INPP5A: variants seen among roughly 807,000 people sequenced by gnomAD.
INPP5A encodes inositol polyphosphate-5-phosphatase A.
A neutral mutation model predicts 65.2 loss-of-function variants in INPP5A; 14 were observed. The observed-to-expected ratio is 0.21, with a 90% confidence interval of 0.14 to 0.34. The LOEUF is 0.34. Ranked by LOEUF, INPP5A falls within the 10% of genes least tolerant of loss-of-function variation. INPP5A has a pLI of 1.00. For synonymous variants in INPP5A, 207 were observed against 208.3 expected (o/e 0.99, Z 0.05); for missense variants, 431 against 545.6 (o/e 0.79, Z 2.09).
intron 1 of INPP5A, among the ~76,000 whole-genome samples, chr10:132,589,127 G>A (rs1276995842): frequency 2.0e-5 from 3 of 152,198 alleles, no homozygotes; most frequent in East Asian, 3.9e-4. Flanking sequence ...CAGGCCTCCC[G>A]GCTTTTGTGG....
chr10:132,763,957 G>A (rs1162170721), intron 11 of INPP5A, among the ~76,000 whole-genome samples: 1 of 152,276 alleles, frequency 6.6e-6, no homozygotes, highest in African/African-American at 2.4e-5. Context: ...TTTGAGGAGG[G>A]GCATCCGTCT....
intron 1 of INPP5A, among the ~76,000 whole-genome samples, chr10:132,562,633 T>G (rs577786284): frequency 6.6e-6 from 1 of 152,346 alleles, no homozygotes; most frequent in Admixed American, 6.5e-5. Flanking sequence ...GTGGCCAGTA[T>G]GAACTGGAGC....
chr10:132,697,679 C>T lies in INPP5A; in HGVS notation c.371-137C>T, dbSNP rs144209017. 1.2e-3 allele frequency: 752 copies of T among 637,826 alleles called. 4 individuals carry two copies. The highest frequency in any genetic ancestry group is 9.6e-3 in the Admixed American group (382 of 39,698). 39.5% of individuals were successfully genotyped at this position (637,826 alleles called of 1,614,324 possible). A position where few individuals can be genotyped will look rare whatever the true frequency, so the allele number is the denominator to read the frequency against. On this transcript the variant is annotated intron_variant, in intron 5 of 15. Coordinates refer to ENST00000368594, the MANE Select transcript of INPP5A (RefSeq NM_005539.5). The surrounding 1 kb of genome is among the most constrained non-coding windows in gnomAD (Gnocchi z 5.6). ...GCTGGGGGTCTGTTCTGGGTCGGAC[C>T]CCTCATCAGGGCCTCCTCTCGGGGG... is the stretch of plus-strand genomic sequence containing the variant.
intron 1 of INPP5A, among the ~76,000 whole-genome samples, chr10:132,552,830 T>G (rs1590823466): frequency 7.1e-6 from 1 of 140,932 alleles, no homozygotes; most frequent in Non-Finnish European, 1.5e-5. Context: ...AGAGCCTTGG[T>G]GGCATATTGA....
chr10:132,710,544 C>T (rs1343590008), intron 8 of INPP5A, 88 bp downstream of exon 8: 7 of 1,512,866 alleles, frequency 4.6e-6, no homozygotes, highest in East Asian at 2.5e-5. Context: ...TGTGGGCGGA[C>T]AAGTAGGTAT....
At chr10:132,648,332 G>A (rs996922667) in intron 3 of INPP5A, among the ~76,000 whole-genome samples, 11 of 152,378 alleles carry the variant, frequency 7.2e-5, no homozygotes, top group African/African-American at 2.4e-4. Flanking sequence ...GTGCCCCCGC[G>A]ATGCCGTGTG....
intron 4 of INPP5A, among the ~76,000 whole-genome samples, chr10:132,655,862 C>A (rs2072649969): frequency 6.6e-6 from 1 of 152,268 alleles, no homozygotes; most frequent in African/African-American, 2.4e-5. Context: ...CCCGCCCCTC[C>A]CAGAGAGGCT....
At chr10:132,759,464 G>A (rs1236917134) in intron 11 of INPP5A, among the ~76,000 whole-genome samples, 3 of 152,228 alleles carry the variant, frequency 2.0e-5, no homozygotes, top group Non-Finnish European at 2.9e-5. Flanking sequence ...CCTCAGCCTG[G>A]GATTTCCGGC....
rs545917185 is a variant in INPP5A, at chr10:132,636,163, A to G, written c.118-9705A>G. On this transcript the variant is annotated intron_variant, in intron 2 of 15. Coordinates refer to ENST00000368594, the MANE Select transcript of INPP5A (RefSeq NM_005539.5). ...AAAAATGCTTTATTGGATAAACAAA[A>G]TGTGTGTGTGTGTGTGTGTGTGTGT... 1.2e-3 allele frequency among the ~76,000 whole-genome samples: 181 copies of G among 149,728 alleles called. 1 individual carries two copies. Among genetic ancestry groups the G allele is most frequent in the East Asian group, 7.3e-3 (37 of 5,084 alleles).
chr10:132,652,432 A>C (rs1030332168), intron 4 of INPP5A, among the ~76,000 whole-genome samples: 1 of 152,256 alleles, frequency 6.6e-6, no homozygotes, highest in African/African-American at 2.4e-5. Flanking sequence ...TTTCTTCATC[A>C]GTCCATGAAA....
intron 8 of INPP5A, among the ~76,000 whole-genome samples, chr10:132,720,775 G>T (rs1441976583): frequency 1.3e-5 from 2 of 149,700 alleles, no homozygotes; most frequent in African/African-American, 5.0e-5. Flanking sequence ...GGGTTCTGTG[G>T]TACCTGGGTT....
At chr10:132,595,563 A>G (rs950472220) in intron 1 of INPP5A, among the ~76,000 whole-genome samples, 2 of 152,102 alleles carry the variant, frequency 1.3e-5, no homozygotes, top group Non-Finnish European at 2.9e-5. Flanking sequence ...TTTCTTACCT[A>G]CATTCCAGTG....
chr10:132,651,834 G>A lies in INPP5A; in HGVS notation c.306+1329G>A, dbSNP rs1020304975. Among the ~76,000 whole-genome samples the A allele has an allele frequency of 2.6e-5, 4 of 152,200 alleles. No homozygotes were observed. The highest frequency in any genetic ancestry group is 2.0e-4 in the Admixed American group (3 of 15,282). Reference sequence around the variant, plus strand: ...GTCATGCGTGGTCCCCACCAGTAGTGGAGTCTGTACAATCCCGGGAATCCC... The same window carrying A: ...GTCATGCGTGGTCCCCACCAGTAGTAGAGTCTGTACAATCCCGGGAATCCC... On this transcript the variant is annotated intron_variant, in intron 4 of 15. Coordinates refer to ENST00000368594, the MANE Select transcript of INPP5A (RefSeq NM_005539.5). This position sits in a 1 kb window ranked among gnomAD's most constrained non-coding sequence, Gnocchi z 5.0.
chr10:132,682,479 CAAT>C (rs2073060677), intron 4 of INPP5A, among the ~76,000 whole-genome samples: 1 of 152,222 alleles, frequency 6.6e-6, no homozygotes, highest in Non-Finnish European at 1.5e-5. Context: ...CAAATTAAAA[CAAT>C]AAGGTCTAAT....
intron 1 of INPP5A, among the ~76,000 whole-genome samples, chr10:132,593,485 C>T (rs1279782047): frequency 2.0e-5 from 3 of 152,204 alleles, no homozygotes; most frequent in Admixed American, 1.3e-4. Context: ...GTCATATTCT[C>T]CTTCCTGAAG....
intron 1 of INPP5A, among the ~76,000 whole-genome samples, chr10:132,583,456 C>T (rs2071510800): frequency 6.6e-6 from 1 of 152,084 alleles, no homozygotes; most frequent in Non-Finnish European, 1.5e-5. Context: ...GCGTGGGGAG[C>T]TGGGCCTTTC....
At chr10:132,585,578 C>G (rs1488181180) in intron 1 of INPP5A, among the ~76,000 whole-genome samples, 1 of 152,192 alleles carries the variant, frequency 6.6e-6, no homozygotes, top group East Asian at 1.9e-4. Flanking sequence ...AATGTGTCCC[C>G]TCAGCTACGG....
At chr10:132,661,262 A>G (rs1214710377) in intron 4 of INPP5A, among the ~76,000 whole-genome samples, 2 of 152,252 alleles carry the variant, frequency 1.3e-5, no homozygotes, top group East Asian at 1.9e-4. Context: ...TACCTCCTTC[A>G]GGAAGAAAAA....
chr10:132,781,822 C>G (rs552437787), intron 14 of INPP5A, 39 bp from the exon 15 acceptor site: 4 of 1,543,222 alleles, frequency 2.6e-6, no homozygotes, highest in African/African-American at 2.7e-5. Context: ...TGCTGTCCCG[C>G]GTGCGCCGTG....
Sources: allele counts gnomAD v4.1 joint callset (sites outside exome capture counted in the v4.1 genomes callset), GRCh38; gene constraint gnomAD v4.1.1; non-coding constraint Gnocchi (gnomAD v3.1); transcripts MANE v1.5; gene names NCBI Gene and HGNC (gene_info 2026-07-23, HGNC 2026-07-21).